EGLN1: variants seen among roughly 807,000 people sequenced by gnomAD.
The protein encoded by EGLN1 is egl-9 family hypoxia inducible factor 1.
Under a neutral mutation model 38.3 loss-of-function variants are expected in EGLN1, and 17 were observed. That is an observed-to-expected ratio of 0.44 (90% CI 0.30 to 0.67). The LOEUF is 0.67. Among genes scored for constraint, EGLN1 ranks in the 30% least tolerant of loss-of-function variants. EGLN1 has a pLI of 0.08. For synonymous variants in EGLN1, 283 were observed against 257.5 expected (o/e 1.10, Z -0.95); for missense variants, 477 against 603.3 (o/e 0.79, Z 2.19).
At chr1:231,367,152 TTTC>T (rs1203111631) in intron 4 of EGLN1, among the ~76,000 whole-genome samples, 3 of 152,228 alleles carry the variant, frequency 2.0e-5, no homozygotes, top group Non-Finnish European at 4.4e-5. Flanking sequence ...TTGTATTAAT[TTTC>T]TTCATGTCTA....
intron 1 of EGLN1, among the ~76,000 whole-genome samples, chr1:231,377,741 T>C (rs1687994564): frequency 6.6e-6 from 1 of 152,158 alleles, no homozygotes. Flanking sequence ...CCTGGAGCCC[T>C]AGGGAGGTAT....
intron 1 of EGLN1, among the ~76,000 whole-genome samples, chr1:231,395,060 T>C (rs1435126990): frequency 6.6e-6 from 1 of 152,184 alleles, no homozygotes; most frequent in Non-Finnish European, 1.5e-5. Flanking sequence ...CAAACCAGTG[T>C]TGGTTTGGGA....
At chr1:231,420,011 C>G (rs1553257183) in intron 1 of EGLN1, among the ~76,000 whole-genome samples, 1 of 152,012 alleles carries the variant, frequency 6.6e-6, no homozygotes, top group Non-Finnish European at 1.5e-5. Flanking sequence ...AAGAAAAGAT[C>G]AAGATCTGAG....
At chr1:231,413,108 C>T (rs1220675032) in intron 1 of EGLN1, among the ~76,000 whole-genome samples, 2 of 152,092 alleles carry the variant, frequency 1.3e-5, no homozygotes, top group East Asian at 1.9e-4. Flanking sequence ...CAGAGTCTCA[C>T]GCTGCTGCCC....
chr1:231,381,427 C>A (rs1162220474), intron 1 of EGLN1, among the ~76,000 whole-genome samples: 1 of 151,966 alleles, frequency 6.6e-6, no homozygotes. Context: ...TACAGAAAAA[C>A]AATGAAAGAT....
intron 1 of EGLN1, among the ~76,000 whole-genome samples, chr1:231,391,461 T>C (rs1688385068): frequency 9.8e-6 from 1 of 101,690 alleles, no homozygotes; most frequent in Non-Finnish European, 2.6e-5. Flanking sequence ...TTTCCAATCC[T>C]GCACTGCTTC....
intron 3 of EGLN1, among the ~76,000 whole-genome samples, chr1:231,369,021 TAATATCTGGATCAAC>T (rs1687743210): frequency 6.6e-6 from 1 of 152,226 alleles, no homozygotes; most frequent in African/African-American, 2.4e-5. Flanking sequence ...ATCAGAATTC[TAATATCTGGATCAAC>T]AACTTACCTT....
At chr1:231,371,148 C>A (rs1280527351) in intron 2 of EGLN1, among the ~76,000 whole-genome samples, 1 of 152,168 alleles carries the variant, frequency 6.6e-6, no homozygotes, top group African/African-American at 2.4e-5. Context: ...CCTCGGCCTC[C>A]CAAAGTGCTG....
intron 2 of EGLN1, among the ~76,000 whole-genome samples, chr1:231,371,602 T>G (rs1007637026): frequency 4.6e-5 from 7 of 152,186 alleles, no homozygotes; most frequent in African/African-American, 1.7e-4. Context: ...CTTGTGAAAC[T>G]TGATTCTACC....
At chr1:231,398,175 T>G (rs1688578990) in intron 1 of EGLN1, among the ~76,000 whole-genome samples, 1 of 152,154 alleles carries the variant, frequency 6.6e-6, no homozygotes, top group Non-Finnish European at 1.5e-5. Context: ...AATAGGGAGC[T>G]AAAAGTTCAT....
At chr1:231,385,469 G>A (rs1416440194) in intron 1 of EGLN1, among the ~76,000 whole-genome samples, 2 of 152,204 alleles carry the variant, frequency 1.3e-5, no homozygotes, top group African/African-American at 4.8e-5. Context: ...GGTAAGGAAG[G>A]AGAGGGGGCA....
chr1:231,405,844 T>C (rs1688775896), intron 1 of EGLN1, among the ~76,000 whole-genome samples: 1 of 152,118 alleles, frequency 6.6e-6, no homozygotes, highest in Non-Finnish European at 1.5e-5. Flanking sequence ...GAACAAATTA[T>C]TCTTCCATAT....
chr1:231,391,092 T>TGTGTGTGTGTGTG (rs1553353099), intron 1 of EGLN1, among the ~76,000 whole-genome samples: 7 of 67,366 alleles, frequency 1.0e-4, no homozygotes, highest in East Asian at 4.0e-4. Flanking sequence ...TGTTTTTTTT[T>TGTGTGTGTGTGTG]TGTGTGTGTG....
Position 231,412,656 on chromosome 1 carries a change from G to C in EGLN1, c.891+8342C>G, listed in dbSNP as rs192928211. On this transcript the variant is annotated intron_variant, in intron 1 of 4. Coordinates refer to ENST00000366641, the MANE Select transcript of EGLN1 (RefSeq NM_022051.3). ...GCACAGAGAAACCTTAAAACCTCTA[G>C]AGAAGAAAGGATGGGGCTAGAAGGT... 3.4e-3 allele frequency among the ~76,000 whole-genome samples: 520 copies of C among 152,288 alleles called. 4 individuals carry two copies. The highest frequency in any genetic ancestry group is 0.012 in the African/African-American group (487 of 41,556).
chr1:231,421,110 T>C lies in EGLN1; in HGVS notation c.779A>G (p.Glu260Gly), dbSNP rs774622668. The C allele has an allele frequency of 1.2e-6, 2 of 1,614,190 alleles. No homozygotes were observed. Among genetic ancestry groups the C allele is most frequent in the Non-Finnish European group, 1.7e-6 (2 of 1,180,030 alleles). ...DIRGDKITWI[E>G]GKEPGCETIG... ...GGTTTCGCAGCCGGGCTCCTTGCCC[T>C]CGATCCAGGTGATCTTATCGCCTCG... The change falls in exon 1 of 5, where the codon GAG (glutamate) becomes GGG (glycine). Residue 260 changes from glutamate (E) to glycine (G), a missense_variant. Glu to Gly is a moderately conservative substitution (Grantham distance 98). Around this residue, in one of 4 missense-constraint regions of EGLN1, gnomAD observed 119 missense variants for 179.0 expected, o/e 0.66. Transcript: ENST00000366641. The surrounding 1 kb of genome is among the most constrained non-coding windows in gnomAD (Gnocchi z 5.5).
intron 1 of EGLN1, among the ~76,000 whole-genome samples, chr1:231,407,219 T>A (rs1688823061): frequency 1.3e-5 from 2 of 152,172 alleles, no homozygotes; most frequent in Non-Finnish European, 1.5e-5. Flanking sequence ...GGCCCTCTTT[T>A]AATCTAGTTA....
intron 1 of EGLN1, among the ~76,000 whole-genome samples, chr1:231,387,438 C>T (rs1037987915): frequency 1.3e-5 from 2 of 150,354 alleles, no homozygotes; most frequent in African/African-American, 4.9e-5. Context: ...CGGCTCACTG[C>T]AAGCTCCACC....
chr1:231,391,953 A>C (rs1472660679), intron 1 of EGLN1, among the ~76,000 whole-genome samples: 1 of 152,228 alleles, frequency 6.6e-6, no homozygotes, highest in Non-Finnish European at 1.5e-5. Flanking sequence ...GAGTTCTAGG[A>C]CCAGAGTGGC....
chr1:231,394,819 T>C (rs919775476), intron 1 of EGLN1, among the ~76,000 whole-genome samples: 5 of 152,134 alleles, frequency 3.3e-5, no homozygotes. Flanking sequence ...TAAATAACCC[T>C]TGTCATCTCA....
Sources: allele counts gnomAD v4.1 joint callset (sites outside exome capture counted in the v4.1 genomes callset), GRCh38; gene constraint gnomAD v4.1.1; regional missense constraint gnomAD v4.1.1; non-coding constraint Gnocchi (gnomAD v3.1); transcripts MANE v1.5; gene names NCBI Gene and HGNC (gene_info 2026-07-23, HGNC 2026-07-21).